RNF114: variants seen among roughly 807,000 people sequenced by gnomAD.
RNF114 encodes ring finger protein 114, also known as E3 ubiquitin-protein ligase RNF114.
Under a neutral mutation model 28.4 loss-of-function variants are expected in RNF114, and 6 were observed. The observed-to-expected ratio is 0.21, with a 90% confidence interval of 0.12 to 0.42. RNF114 has a LOEUF of 0.42. RNF114 is among the 10% of genes least tolerant of loss of function. RNF114 has a pLI of 1.00. For synonymous variants in RNF114, 115 were observed against 116.7 expected, an observed-to-expected ratio of 0.99 and a Z score of 0.09; for missense variants, 249 against 311.7, an observed-to-expected ratio of 0.80 and a Z score of 1.51.
At chr20:49,947,787 T>G (rs2090339351) in intron 4 of RNF114, among the ~76,000 whole-genome samples, 4 of 94,734 alleles carry the variant, frequency 4.2e-5, no homozygotes, top group Non-Finnish European at 6.4e-5. Flanking sequence ...TTTTTTTTTT[T>G]TTTTTTTTTT....
At chr20:49,950,083 T>C (rs11697936) in intron 5 of RNF114, among the ~76,000 whole-genome samples, 63,835 of 151,416 alleles carry the variant, frequency 0.42, 15,506 homozygotes, top group East Asian at 0.78. Flanking sequence ...AATCCCGTCT[T>C]TACTAAAAAT....
intron 5 of RNF114, among the ~76,000 whole-genome samples, chr20:49,949,626 C>T (rs2090347966): frequency 1.3e-5 from 2 of 152,130 alleles, no homozygotes; most frequent in Admixed American, 1.3e-4. Context: ...ATTCATGGGC[C>T]AGGCAGGTGG....
intron 2 of RNF114, among the ~76,000 whole-genome samples, chr20:49,942,946 T>C (rs1170527552): frequency 1.3e-5 from 2 of 152,224 alleles, no homozygotes; most frequent in Non-Finnish European, 2.9e-5. Context: ...TACTATAATA[T>C]ATATATTTCT....
intron 5 of RNF114, among the ~76,000 whole-genome samples, chr20:49,950,017 C>T (rs1217952843): frequency 2.0e-5 from 3 of 147,554 alleles, no homozygotes; most frequent in South Asian, 2.4e-4. Context: ...TTTGGGAGGC[C>T]GAGGTGGGCG....
rs1469055767 is a variant in RNF114 at position 49,940,393 on chromosome 20, A to C, written c.141-1168A>C. Among the ~76,000 whole-genome samples, 4 of 148,466 alleles carry C rather than the reference A, an allele frequency of 2.7e-5. No individual in the cohort carries two copies. The Admixed American group carries it at 2.7e-4, about 10-fold the overall frequency. The stretch of plus-strand genomic sequence containing the variant: ...CCCAGTCCTCAGGTTCATGAACTAC[A>C]AAAGGATCCATCTGAACCCTTTTTT... On this transcript the variant is annotated intron_variant, in intron 1 of 5. Coordinates refer to ENST00000244061, the MANE Select transcript of RNF114 (RefSeq NM_018683.4).
intron 1 of RNF114, 146 bp downstream of exon 1, chr20:49,936,698 G>C (rs1040567916): frequency 4.6e-5 from 44 of 956,470 alleles, no homozygotes; most frequent in Non-Finnish European, 6.1e-5. Context: ...TAAGGGCCGT[G>C]AAAGCTGCCG....
At chr20:49,950,516 G>C (rs985435144) in intron 5 of RNF114, among the ~76,000 whole-genome samples, 4 of 151,486 alleles carry the variant, frequency 2.6e-5, no homozygotes, top group Non-Finnish European at 5.9e-5. Context: ...CCTTGTCTCT[G>C]CAAAAAATAC....
chr20:49,950,355 G>T (rs75898417), intron 5 of RNF114, among the ~76,000 whole-genome samples: 6 of 151,930 alleles, frequency 3.9e-5, no homozygotes, highest in African/African-American at 1.5e-4. Context: ...TTTTCTTGTG[G>T]TTTATATAAT....
intron 1 of RNF114, among the ~76,000 whole-genome samples, chr20:49,936,770 G>A (rs117671525): frequency 0.016 from 2,508 of 152,160 alleles, 154 homozygotes; most frequent in Admixed American, 0.11. Flanking sequence ...CCGTCTTAGC[G>A]GGGCAGCTGC....
Position 49,936,529 on chromosome 20 carries a change from G to A in RNF114, c.117G>A (p.Pro39=), listed in dbSNP as rs1474544324. Residue 39 remains proline (P), a synonymous_variant, in exon 1 of 6, where the codon CCG becomes CCA. Coordinates refer to ENST00000244061, the MANE Select transcript of RNF114 (RefSeq NM_018683.4). ...CPVCLEVYEK[P]VQVPCGHVFC... ...TGTGCTTAGAGGTGTACGAGAAGCC[G>A]GTACAGGTGCCCTGCGGACACGTGT... 1.3e-6 allele frequency: 2 copies of A among 1,588,190 alleles called. No homozygotes were observed. The highest frequency in any genetic ancestry group is 1.4e-5 in the African/African-American group (1 of 73,664).
chr20:49,936,532 A>G lies in RNF114; in HGVS notation c.120A>G (p.Val40=). 6.3e-7 allele frequency: 1 copy of G among 1,589,352 alleles called. No homozygotes were observed. The highest frequency in any genetic ancestry group is 8.6e-7 in the Non-Finnish European group (1 of 1,168,996). The change falls in exon 1 of 6, where the codon GTA becomes GTG. Residue 40 remains valine, a synonymous_variant. Coordinates refer to ENST00000244061, the MANE Select transcript of RNF114 (RefSeq NM_018683.4). ...GCTTAGAGGTGTACGAGAAGCCGGT[A>G]CAGGTGCCCTGCGGACACGTGTAAG... ...PVCLEVYEKP[V]QVPCGHVFCS... is the part of the protein sequence containing the mutation.
intron 1 of RNF114, among the ~76,000 whole-genome samples, chr20:49,937,702 C>T (rs918654318): frequency 1.3e-5 from 2 of 152,162 alleles, no homozygotes; most frequent in Non-Finnish European, 2.9e-5. Context: ...TCCCCCCACC[C>T]CTCCCTTTTC....
intron 2 of RNF114, chr20:49,943,833 T>TATATATATAC (rs769534499): frequency 2.4e-5 from 3 of 122,958 alleles, no homozygotes; most frequent in Admixed American, 8.9e-5. Flanking sequence ...TATATATATA[T>TATATATATAC]ACACACACAC....
intron 2 of RNF114, among the ~76,000 whole-genome samples, chr20:49,942,634 A>AC (rs1040401568): frequency 2.0e-5 from 3 of 152,104 alleles, no homozygotes; most frequent in Non-Finnish European, 4.4e-5. Flanking sequence ...ACCAGCCTGG[A>AC]CAACATGGTG....
At chr20:49,941,320 C>T (rs1568918805) in intron 1 of RNF114, 2 of 432,028 alleles carry the variant, frequency 4.6e-6, no homozygotes, top group East Asian at 7.8e-5. Context: ...AAGCCTCAAC[C>T]TTAACACCTT....
In RNF114 at chr20:49,952,562, T is replaced by A. The variant is rs2090359054; in HGVS notation, c.*421T>A. 3.6e-6 allele frequency: 1 copy of A among 280,238 alleles called. No individual in the cohort carries two copies. Among genetic ancestry groups the A allele is most frequent in the South Asian group, 1.2e-4 (1 of 8,584 alleles). The allele number at this position is 280,238 out of a possible 1,614,324, so 17.4% of individuals were successfully genotyped here. A position where few individuals can be genotyped will look rare whatever the true frequency, so the allele number is the denominator to read the frequency against. On this transcript the variant is annotated 3_prime_UTR_variant, in exon 6 of 6. Coordinates refer to ENST00000244061, the MANE Select transcript of RNF114 (RefSeq NM_018683.4). The stretch of plus-strand genomic sequence containing the variant: ...ATGAAGCAAGTGTCTCCTTTCCTTG[T>A]CCCCAAGGTGTGCAGACTTTGGCAG...
In RNF114 at chr20:49,949,352, T is replaced by C. The variant is rs138067227; in HGVS notation, c.618T>C (p.Phe206=). The C allele has an allele frequency of 7.5e-4, 1,212 of 1,613,344 alleles. 5 individuals are homozygous for C. The highest frequency in any genetic ancestry group is 7.4e-4 in the Non-Finnish European group (876 of 1,179,758). Residue 206 remains phenylalanine (F), a synonymous_variant, in exon 5 of 6, where the codon TTT becomes TTC. Coordinates refer to ENST00000244061, the MANE Select transcript of RNF114 (RefSeq NM_018683.4). ...GGCACCGGTTTTCTTATGACACTTT[T>C]GTGGTAAGTCTGGAGCCTGGGCTCT... ...QRRHRFSYDT[F]VDYDVDEEDM...
chr20:49,938,646 C>T (rs897513018), intron 1 of RNF114, among the ~76,000 whole-genome samples: 1 of 152,160 alleles, frequency 6.6e-6, no homozygotes, highest in African/African-American at 2.4e-5. Context: ...CGGAGTGGAG[C>T]ATCGGAAGGC....
At chr20:49,939,921 A>G (rs1398651221) in intron 1 of RNF114, among the ~76,000 whole-genome samples, 1 of 151,882 alleles carries the variant, frequency 6.6e-6, no homozygotes, top group African/African-American at 2.4e-5. Context: ...GGGTGTGGTC[A>G]TGCGCGCCTG....
Sources: allele counts gnomAD v4.1 joint callset (sites outside exome capture counted in the v4.1 genomes callset), GRCh38; gene constraint gnomAD v4.1.1; transcripts MANE v1.5; gene names NCBI Gene and HGNC (gene_info 2026-07-23, HGNC 2026-07-21).